Variants in SAMHD1 observed in about 807,000 individuals in gnomAD.
The protein encoded by SAMHD1 is deoxynucleoside triphosphate triphosphohydrolase SAMHD1.
A neutral mutation model predicts 79.6 loss-of-function variants in SAMHD1; 54 were observed. The observed-to-expected ratio is 0.68, with a 90% CI of 0.55 to 0.85. SAMHD1 has a LOEUF of 0.85. SAMHD1 is among the 40% of genes least tolerant of loss of function. The pLI, the probability that SAMHD1 is intolerant of heterozygous loss-of-function variation, is 0.00. For missense variants in SAMHD1, 663 were observed against 782.7 expected (o/e 0.85, Z 1.82); for synonymous variants, 260 against 264.1 (o/e 0.98, Z 0.15).
chr20:36,916,832 TAGA>T lies in SAMHD1; in HGVS notation c.954-5_954-3del. ...TGGATTCCAAGATGATGGCAGTCCC[TAGA>T]AGGATTCCAAAACAGAGAGATGAAA... is the stretch of plus-strand genomic sequence containing the variant. On this transcript the variant is annotated splice_region_variant and splice_polypyrimidine_tract_variant and intron_variant, in intron 8 of 15. Coordinates refer to ENST00000646673, the MANE Select transcript of SAMHD1 (RefSeq NM_015474.4). 6.2e-7 allele frequency: 1 copy of T among 1,612,806 alleles called. No individual in the cohort carries two copies. Among genetic ancestry groups the T allele is most frequent in the Non-Finnish European group, 8.5e-7 (1 of 1,178,788 alleles).
Position 36,892,885 on chromosome 20 carries a change from A to G in SAMHD1, c.*47T>C. 1 of 1,611,436 alleles carries G rather than the reference A, an allele frequency of 6.2e-7. No individual in the cohort carries two copies. The highest frequency in any genetic ancestry group is 8.5e-7 in the Non-Finnish European group (1 of 1,177,604). ...AGAATTCTATGATTGAAGCCTCTAA[A>G]TGAATTGTGCAGGAGAGGGAGTTTG... is the stretch of plus-strand genomic sequence containing the variant. On this transcript the variant is annotated 3_prime_UTR_variant, in exon 16 of 16. Coordinates refer to ENST00000646673, the MANE Select transcript of SAMHD1 (RefSeq NM_015474.4).
At chr20:36,899,584 G>A (rs1178953729) in intron 13 of SAMHD1, among the ~76,000 whole-genome samples, 3 of 152,288 alleles carry the variant, frequency 2.0e-5, no homozygotes, top group East Asian at 1.9e-4. Context: ...TAGGGTGCCC[G>A]GAGAATGACC....
chr20:36,900,141 T>C (rs779724793), intron 13 of SAMHD1, among the ~76,000 whole-genome samples: 51 of 151,900 alleles, frequency 3.4e-4, no homozygotes, highest in Middle Eastern at 6.9e-3. Flanking sequence ...GAACTTTGGC[T>C]GTTCAGAGGA....
intron 2 of SAMHD1, among the ~76,000 whole-genome samples, chr20:36,942,052 T>C (rs1367641833): frequency 6.6e-6 from 1 of 152,140 alleles, no homozygotes; most frequent in Non-Finnish European, 1.5e-5. Context: ...TAGCATAAAA[T>C]ATCAAACCTA....
intron 15 of SAMHD1, among the ~76,000 whole-genome samples, chr20:36,894,752 G>A (rs752686157): frequency 6.6e-6 from 1 of 151,926 alleles, no homozygotes; most frequent in Non-Finnish European, 1.5e-5. Context: ...GGGCAACAGA[G>A]CAAGACTCTG....
intron 10 of SAMHD1, chr20:36,912,243 T>C: frequency 1.9e-6 from 1 of 533,346 alleles, no homozygotes; most frequent in Non-Finnish European, 3.4e-6. Context: ...TCTGCCCCTT[T>C]ATCCACTTCC....
intron 9 of SAMHD1, among the ~76,000 whole-genome samples, chr20:36,916,175 A>G (rs897508894): frequency 2.6e-5 from 4 of 151,764 alleles, no homozygotes; most frequent in African/African-American, 9.7e-5. Context: ...AAAAAAAGAG[A>G]GAGACTCTGG....
At chr20:36,947,198 TAA>T in intron 1 of SAMHD1, 1 of 244,526 alleles carries the variant, frequency 4.1e-6, no homozygotes, top group South Asian at 4.7e-5. Flanking sequence ...GAAGGAAACC[TAA>T]GTCTATTGTT....
chr20:36,935,571 ATTT>A (rs35043095), intron 3 of SAMHD1, among the ~76,000 whole-genome samples: 1 of 142,926 alleles, frequency 7.0e-6, no homozygotes. Flanking sequence ...ATTATGTCTA[ATTT>A]TTTTTTTTTT....
intron 15 of SAMHD1, among the ~76,000 whole-genome samples, chr20:36,894,654 C>T (rs960221787): frequency 3.3e-5 from 5 of 151,608 alleles, no homozygotes; most frequent in African/African-American, 1.2e-4. Context: ...GTAGTCCCAG[C>T]TACTCAGGAG....
In SAMHD1 at chr20:36,916,943, G is replaced by T; in HGVS notation, c.953+6C>A. On this transcript the variant is annotated splice_donor_region_variant and intron_variant, in intron 8 of 15. Coordinates refer to ENST00000646673, the MANE Select transcript of SAMHD1 (RefSeq NM_015474.4). The stretch of plus-strand genomic sequence containing the variant: ...AGCCAACTTTTCAGAAGTGTTCAGT[G>T]CATACCTGGCAAAATAATCCCATTT... 6.2e-7 allele frequency: 1 copy of T among 1,603,564 alleles called. No homozygotes were observed. The highest frequency in any genetic ancestry group is 8.5e-7 in the Non-Finnish European group (1 of 1,170,584).
chr20:36,929,599 C>T (rs2063556126), intron 5 of SAMHD1, among the ~76,000 whole-genome samples: 1 of 152,088 alleles, frequency 6.6e-6, no homozygotes, highest in Admixed American at 6.6e-5. Flanking sequence ...TAGCCAGGCG[C>T]TACTCGGGAG....
At chr20:36,949,252 A>T (rs1013537904) in intron 1 of SAMHD1, among the ~76,000 whole-genome samples, 3 of 152,038 alleles carry the variant, frequency 2.0e-5, no homozygotes, top group African/African-American at 7.2e-5. Context: ...TGACAGAGCG[A>T]GACTCCATCT....
intron 3 of SAMHD1, among the ~76,000 whole-genome samples, chr20:36,939,393 G>C (rs1378231377): frequency 3.3e-5 from 5 of 152,024 alleles, no homozygotes; most frequent in African/African-American, 1.2e-4. Context: ...AGGAGTTCGA[G>C]ACCAGCCTGA....
chr20:36,948,865 CAAAAAAAAAAAAAAAA>C lies in SAMHD1; in HGVS notation c.209-2077_209-2062del, dbSNP rs2063712827. 4.6e-5 allele frequency among the ~76,000 whole-genome samples: 4 copies of C among 86,328 alleles called. No homozygotes were observed. In the East Asian group the frequency reaches 1.2e-3, roughly 27 times the overall value. 56.6% of individuals were successfully genotyped at this position (86,328 alleles called of 152,430 possible). A position where few individuals can be genotyped will look rare whatever the true frequency, so the allele number is the denominator to read the frequency against. On this transcript the variant is annotated intron_variant, in intron 1 of 15. Coordinates refer to ENST00000646673, the MANE Select transcript of SAMHD1 (RefSeq NM_015474.4). ...CTGGCGACAGAGCGAGACTCTGTCT[CAAAAAAAAAAAAAAAA>C]GAAAAGAAAAAAAGAAAAGAAAAGA...
Position 36,905,059 on chromosome 20 carries a change from C to T in SAMHD1, c.1410+305G>A, listed in dbSNP as rs1291149. ...TTCCCTTATATTCATTTTCTCATGTCTGAATCTAGCCAAAATTGGAGACCC... is the reference window on the plus strand; with the variant it reads ...TTCCCTTATATTCATTTTCTCATGTTTGAATCTAGCCAAAATTGGAGACCC... On this transcript the variant is annotated intron_variant, in intron 12 of 15. Coordinates refer to ENST00000646673, the MANE Select transcript of SAMHD1 (RefSeq NM_015474.4). 0.8 allele frequency: 295,298 copies of T among 369,946 alleles called. 119,540 individuals are homozygous for T. The highest frequency in any genetic ancestry group is 0.88 in the Middle Eastern group (1,052 of 1,196). 22.9% of individuals were successfully genotyped at this position (369,946 alleles called of 1,614,324 possible). A position where few individuals can be genotyped will look rare whatever the true frequency, so the allele number is the denominator to read the frequency against.
chr20:36,918,808 A>G (rs1004159949), intron 7 of SAMHD1, among the ~76,000 whole-genome samples: 4 of 147,568 alleles, frequency 2.7e-5, no homozygotes, highest in African/African-American at 1.0e-4. Context: ...TCTCAAAAAA[A>G]AAAAAAAAAA....
At chr20:36,897,736 G>A in intron 15 of SAMHD1, 86 bp downstream of exon 15, 1 of 1,450,610 alleles carries the variant, frequency 6.9e-7, no homozygotes, top group Non-Finnish European at 9.7e-7. Flanking sequence ...TAACTTAAAT[G>A]GGAACTTTTC....
rs566364786 is a variant in SAMHD1, at chr20:36,931,650, C to G, written c.510-775G>C. ...AGATTCCGTCCCCACCACCCTCCCC[C>G]CAAAAAAAGAAAGAGAATATATTTG... On this transcript the variant is annotated intron_variant, in intron 4 of 15. Transcript: ENST00000646673. 5.9e-5 allele frequency among the ~76,000 whole-genome samples: 9 copies of G among 151,450 alleles called. No individual in the cohort carries two copies. In the East Asian group the frequency reaches 1.4e-3, roughly 23 times the overall value.
Sources: gnomAD v4.1 joint callset for allele counts (sites outside exome capture counted in the v4.1 genomes callset) on GRCh38, gnomAD v4.1.1 for gene constraint, MANE v1.5 for transcripts, NCBI Gene and HGNC (gene_info 2026-07-23, HGNC 2026-07-21) for gene names.